The following ICA1 variants were observed in gnomAD, a reference collection of about 807,000 sequenced individuals.
The protein encoded by ICA1 is 69 kDa islet cell autoantigen.
A neutral mutation model predicts 71.0 loss-of-function variants in ICA1; 40 were observed. The observed-to-expected ratio is 0.56, with a 90% confidence interval of 0.44 to 0.73. ICA1 has a LOEUF of 0.73. Among genes scored for constraint, ICA1 ranks in the 30% least tolerant of loss-of-function variants. The pLI is 0.00. For missense variants in ICA1, 578 were observed against 576.5 expected (o/e 1.00, Z -0.03); for synonymous variants, 207 against 209.5 (o/e 0.99, Z 0.10).
intron 6 of ICA1, among the ~76,000 whole-genome samples, chr7:8,210,603 T>C (rs902306399): frequency 3.3e-5 from 5 of 150,494 alleles, no homozygotes; most frequent in African/African-American, 9.8e-5. Flanking sequence ...CAAAAGACAA[T>C]TTTTTTTTCA....
At chr7:8,117,271 C>T (rs191100909) in intron 13 of ICA1, among the ~76,000 whole-genome samples, 1 of 152,272 alleles carries the variant, frequency 6.6e-6, no homozygotes, top group East Asian at 1.9e-4. Context: ...ATATTAATAG[C>T]AGTGTGAAAA....
intron 6 of ICA1, among the ~76,000 whole-genome samples, chr7:8,206,225 G>A (rs535423735): frequency 6.6e-6 from 1 of 152,018 alleles, no homozygotes; most frequent in East Asian, 1.9e-4. Context: ...CTTCCTTCCT[G>A]CTATTTGGTG....
intron 1 of ICA1, among the ~76,000 whole-genome samples, chr7:8,255,794 T>C (rs76888372): frequency 6.6e-6 from 1 of 150,944 alleles, no homozygotes; most frequent in Admixed American, 6.6e-5. Flanking sequence ...TTTTTTTTTT[T>C]GGCAGGGTCT....
intron 3 of ICA1, among the ~76,000 whole-genome samples, chr7:8,229,944 A>G (rs1799751495): frequency 6.6e-6 from 1 of 152,222 alleles, no homozygotes; most frequent in Non-Finnish European, 1.5e-5. Context: ...TTCAAAAAGT[A>G]TGTTTAGGAG....
At chr7:8,258,897 A>T (rs1313169945) in intron 1 of ICA1, among the ~76,000 whole-genome samples, 1 of 152,248 alleles carries the variant, frequency 6.6e-6, no homozygotes, top group Admixed American at 6.5e-5. Context: ...CTTATCAGAC[A>T]GATGGAGATT....
intron 1 of ICA1, among the ~76,000 whole-genome samples, chr7:8,239,344 G>A (rs1802952651): frequency 6.6e-6 from 1 of 152,162 alleles, no homozygotes; most frequent in Admixed American, 6.5e-5. Context: ...GACATAAACT[G>A]AGCATCAAAT....
chr7:8,225,333 G>T (rs1583460133), intron 4 of ICA1, among the ~76,000 whole-genome samples: 1 of 152,074 alleles, frequency 6.6e-6, no homozygotes, highest in Non-Finnish European at 1.5e-5. Context: ...TATTCTATGG[G>T]TTATAATTCA....
At chr7:8,196,391 C>T (rs188611559) in intron 6 of ICA1, among the ~76,000 whole-genome samples, 2 of 152,260 alleles carry the variant, frequency 1.3e-5, no homozygotes, top group African/African-American at 2.4e-5. Context: ...GATGACTGCT[C>T]GGGCAATGAA....
At chr7:8,164,282 C>T (rs1427887936) in intron 6 of ICA1, among the ~76,000 whole-genome samples, 9 of 115,168 alleles carry the variant, frequency 7.8e-5, no homozygotes, top group Non-Finnish European at 9.7e-5. Flanking sequence ...CCAGCCTGGG[C>T]GACCGAGCGA....
intron 6 of ICA1, among the ~76,000 whole-genome samples, chr7:8,197,237 G>A (rs900139673): frequency 3.1e-4 from 47 of 151,624 alleles, no homozygotes; most frequent in Admixed American, 2.4e-3. Context: ...CTTAAAAAAT[G>A]TCTACCATTT....
chr7:8,239,258 C>T (rs937452291), intron 1 of ICA1, among the ~76,000 whole-genome samples: 3 of 152,218 alleles, frequency 2.0e-5, no homozygotes, highest in Non-Finnish European at 4.4e-5. Context: ...TCCAAATCCA[C>T]AGCATTTAAA....
At chr7:8,146,878 A>G (rs62435397) in intron 8 of ICA1, among the ~76,000 whole-genome samples, 1,681 of 98,710 alleles carry the variant, frequency 0.017, 46 homozygotes, top group South Asian at 0.13. Context: ...ACACACACAC[A>G]CACGCACACA....
chr7:8,241,742 A>G (rs1484329459), intron 1 of ICA1, among the ~76,000 whole-genome samples: 1 of 152,148 alleles, frequency 6.6e-6, no homozygotes, highest in Non-Finnish European at 1.5e-5. Context: ...AATGGAAAGC[A>G]AAAAAACAGC....
Position 8,127,881 on chromosome 7 carries a change from G to A in ICA1, c.1322C>T (p.Ser441Leu), listed in dbSNP as rs868309360. The stretch of plus-strand genomic sequence containing the variant: ...ATCCCCACCTTACCTACCTTGTAGC[G>A]AGGCCTGTAAGTCTTTCATATTTTG... ...LDQNMKDLQASLQEPAKAASD... is the reference protein window; with the variant it reads ...LDQNMKDLQALLQEPAKAASD... Residue 441 changes from serine to leucine, a missense_variant, in exon 13 of 14, where the codon TCG becomes TTG. Transcript: ENST00000402384. 7.4e-6 allele frequency: 12 copies of A among 1,612,476 alleles called. No individual in the cohort carries two copies. Among genetic ancestry groups the A allele is most frequent in the African/African-American group, 5.3e-5 (4 of 74,834 alleles).
intron 6 of ICA1, among the ~76,000 whole-genome samples, chr7:8,191,537 T>C (rs896976417): frequency 2.6e-5 from 4 of 152,214 alleles, no homozygotes; most frequent in African/African-American, 9.6e-5. Context: ...GTAGGCATTC[T>C]GAAAACATTT....
Position 8,141,765 on chromosome 7 carries a change from T to C in ICA1, c.955A>G (p.Thr319Ala), listed in dbSNP as rs1340626169. The C allele has an allele frequency of 3.9e-6, 6 of 1,535,844 alleles. No homozygotes were observed. Among genetic ancestry groups the C allele is most frequent in the Non-Finnish European group, 5.4e-6 (6 of 1,121,018 alleles). ...NQRKESSSFK[T>A]EDGKSILSAL... ...ATTCTAAATAAAAATCAAAACTTAC[T>C]CTTAAAACTAGAGGATTCCTTGCGC... Residue 319 changes from threonine (T) to alanine (A), a missense_variant and splice_region_variant, in exon 10 of 14, where the codon ACT becomes GCT. Thr to Ala is a moderately conservative substitution (Grantham distance 58). Transcript: ENST00000402384.
At chr7:8,139,102 C>T in intron 10 of ICA1, 55 bp from the exon 11 acceptor site, 3 of 1,362,318 alleles carry the variant, frequency 2.2e-6, no homozygotes, top group Non-Finnish European at 3.1e-6. Context: ...TGTGCATGTT[C>T]ATACGCTATT....
At chr7:8,199,421 G>A (rs1040766925) in intron 6 of ICA1, among the ~76,000 whole-genome samples, 1 of 152,126 alleles carries the variant, frequency 6.6e-6, no homozygotes, top group Non-Finnish European at 1.5e-5. Flanking sequence ...TAAAAAGAAT[G>A]AGTTCCTGGC....
chr7:8,141,924 A>AT, intron 9 of ICA1, 107 bp from the exon 10 acceptor site: 5 of 842,092 alleles, frequency 5.9e-6, no homozygotes, highest in South Asian at 1.8e-5. Flanking sequence ...AAACACATAC[A>AT]CCACACACAC....
Sources: allele counts gnomAD v4.1 joint callset (sites outside exome capture counted in the v4.1 genomes callset), GRCh38; gene constraint gnomAD v4.1.1; transcripts MANE v1.5; gene names NCBI Gene and HGNC (gene_info 2026-07-23, HGNC 2026-07-21).